Variants in DPRX observed in about 807,000 individuals in gnomAD.
The protein encoded by DPRX is divergent-paired related homeobox.
Under a neutral mutation model 8.4 loss-of-function variants are expected in DPRX, and 11 were observed. The ratio of observed to expected loss-of-function variants is 1.31; its 90% CI spans 0.82 to 2.17. DPRX has a LOEUF of 2.17. Among genes scored for constraint, DPRX ranks in the 30% most tolerant of loss-of-function variants. The pLI is 0.00. For synonymous variants in DPRX, 72 were observed against 87.0 expected, an observed-to-expected ratio of 0.83 and a Z score of 0.96; for missense variants, 211 against 236.7, an observed-to-expected ratio of 0.89 and a Z score of 0.71.
chr19:53,633,969 G>A (rs139344594), intron 1 of DPRX, among the ~76,000 whole-genome samples: 2 of 152,274 alleles, frequency 1.3e-5, no homozygotes, highest in African/African-American at 2.4e-5. Context: ...AAAAAAGGAT[G>A]GAGGAACCAA....
chr19:53,623,666 T>C, the DPRX span, among the ~76,000 whole-genome samples: 91,270 of 149,304 alleles, frequency 0.61, 28,874 homozygotes, highest in African/African-American at 0.79. Flanking sequence ...ATTCCTGGCC[T>C]GGCGCAATGG....
At chr19:53,633,258 G>C (rs1175232548) in intron 1 of DPRX, among the ~76,000 whole-genome samples, 4 of 152,108 alleles carry the variant, frequency 2.6e-5, no homozygotes, top group Non-Finnish European at 4.4e-5. Flanking sequence ...CATGCCACTG[G>C]GCAACACAGC....
At chr19:53,610,186 CAT>C in the DPRX span, among the ~76,000 whole-genome samples, 1 of 141,864 alleles carries the variant, frequency 7.0e-6, no homozygotes, top group African/African-American at 2.7e-5. Context: ...GGTGTGGTGG[CAT>C]TTATGCCTGT....
chr19:53,617,261 CT>C, the DPRX span: 1 of 744,372 alleles, frequency 1.3e-6, no homozygotes. Flanking sequence ...GTTAGAGTGC[CT>C]TTAAGAAGAA....
the DPRX span, among the ~76,000 whole-genome samples, chr19:53,601,687 G>A: frequency 2.5e-4 from 38 of 152,078 alleles, no homozygotes; most frequent in East Asian, 9.7e-4. Context: ...TCACCATGTT[G>A]GTCAGGCTGG....
the DPRX span, among the ~76,000 whole-genome samples, chr19:53,604,189 T>A: frequency 6.6e-6 from 1 of 151,970 alleles, no homozygotes; most frequent in Non-Finnish European, 1.5e-5. Context: ...GGCAACTGAG[T>A]TATGGATGGG....
the DPRX span, among the ~76,000 whole-genome samples, chr19:53,614,821 G>A: frequency 6.6e-6 from 1 of 151,892 alleles, no homozygotes; most frequent in Non-Finnish European, 1.5e-5. Context: ...GGATTAGGTA[G>A]GGTTAAGATC....
chr19:53,609,466 C>CAAAAAAAAAAA, the DPRX span, among the ~76,000 whole-genome samples: 1 of 55,486 alleles, frequency 1.8e-5, no homozygotes, highest in African/African-American at 7.4e-5. Context: ...GACTCGGTCT[C>CAAAAAAAAAAA]AAAAAAAAAA....
upstream of DPRX, among the ~76,000 whole-genome samples, chr19:53,627,208 T>TA (rs942264539): frequency 2.6e-5 from 4 of 152,112 alleles, no homozygotes; most frequent in African/African-American, 7.2e-5. Context: ...CTGAGAATGA[T>TA]AATATACAGC....
At chr19:53,616,999 C>G in the DPRX span, 4 of 1,143,320 alleles carry the variant, frequency 3.5e-6, no homozygotes, top group Non-Finnish European at 4.0e-6. Context: ...GACTGATGAA[C>G]AAGGGCATCA....
the DPRX span, among the ~76,000 whole-genome samples, chr19:53,616,493 G>A: frequency 7.3e-5 from 11 of 151,358 alleles, 1 homozygote; most frequent in South Asian, 1.0e-3. Context: ...GGTGGCTCAC[G>A]CCTGTAATCC....
upstream of DPRX, among the ~76,000 whole-genome samples, chr19:53,630,793 CA>C (rs2091089643): frequency 1.3e-5 from 2 of 151,982 alleles, no homozygotes; most frequent in Non-Finnish European, 2.9e-5. Flanking sequence ...CCCTTGTCGT[CA>C]AGATAAAAGG....
In DPRX at chr19:53,635,280, G is replaced by C. The variant is rs1038468963; in HGVS notation, c.183+595G>C. Among the ~76,000 whole-genome samples, 7 of 152,282 alleles carry C rather than the reference G, an allele frequency of 4.6e-5. No individual in the cohort carries two copies. In the East Asian group the frequency reaches 1.2e-3, roughly 25 times the overall value. On this transcript the variant is annotated intron_variant, in intron 2 of 2. Coordinates refer to ENST00000376650, the Ensembl canonical transcript of DPRX. ...CTGCCTTGGCCTCCCAAAGTGTCAGGATTATAGGCATAAGCCACTGCGCCT... is the reference window on the plus strand; with the variant it reads ...CTGCCTTGGCCTCCCAAAGTGTCAGCATTATAGGCATAAGCCACTGCGCCT...
chr19:53,613,031 T>C, the DPRX span, among the ~76,000 whole-genome samples: 1 of 152,140 alleles, frequency 6.6e-6, no homozygotes, highest in Admixed American at 6.6e-5. Context: ...TCAGAGATTT[T>C]AGGTTTTATG....
upstream of DPRX, chr19:53,632,050 G>C: frequency 9.3e-6 from 15 of 1,612,278 alleles, no homozygotes; most frequent in Non-Finnish European, 1.2e-5. Context: ...ATCCGGATTT[G>C]ATCTTTGCTA....
In DPRX at chr19:53,636,356, A is replaced by G. The variant is rs963406331; in HGVS notation, c.184-240A>G. ...ACTCCAGCCTGGGCGACAAGGTGAG[A>G]CTCCATCTCAAAAATAAAATAAAAT... On this transcript the variant is annotated intron_variant, in intron 2 of 2. Coordinates refer to ENST00000376650, the Ensembl canonical transcript of DPRX. Among the ~76,000 whole-genome samples, 79 of 151,410 alleles carry G rather than the reference A, an allele frequency of 5.2e-4. 1 individual carries two copies. The highest frequency in any genetic ancestry group is 2.1e-3 in the Admixed American group (31 of 15,080).
the DPRX span, among the ~76,000 whole-genome samples, chr19:53,626,919 C>T: frequency 1.3e-5 from 2 of 151,870 alleles, no homozygotes; most frequent in South Asian, 4.2e-4. Context: ...CCAGGCTGGT[C>T]TTGAACTCCT....
At chr19:53,621,783 CA>C in the DPRX span, among the ~76,000 whole-genome samples, 2 of 147,886 alleles carry the variant, frequency 1.4e-5, no homozygotes, top group Admixed American at 6.8e-5. Context: ...GACTCTGTTC[CA>C]AAAAAAAACA....
chr19:53,608,227 TTAAAAAATAA>T, the DPRX span: 42 of 106,352 alleles, frequency 3.9e-4, no homozygotes, highest in African/African-American at 1.8e-3. Flanking sequence ...AAAATTAAAA[TTAAAAAATAA>T]AAAAAAATAA....
Sources: gnomAD v4.1 joint callset for allele counts (sites outside exome capture counted in the v4.1 genomes callset) on GRCh38, gnomAD v4.1.1 for gene constraint, MANE v1.5 for transcripts, NCBI Gene and HGNC (gene_info 2026-07-23, HGNC 2026-07-21) for gene names.